The following NSMCE2 variants were observed in gnomAD, a reference collection of about 807,000 sequenced individuals.
The protein encoded by NSMCE2 is NSE2 SUMO ligase component of SMC5/6 complex.
In NSMCE2, 24 loss-of-function variants were observed where a neutral mutation model predicts 23.8. That is an observed-to-expected ratio of 1.01 (90% CI 0.73 to 1.42). The LOEUF is 1.42. Among genes scored for constraint, NSMCE2 ranks in the 40% most tolerant of loss-of-function variants. NSMCE2 has a pLI of 0.00. For synonymous variants in NSMCE2, 92 were observed against 94.1 expected (o/e 0.98, Z 0.13); for missense variants, 284 against 296.5 (o/e 0.96, Z 0.31).
intron 5 of NSMCE2, among the ~76,000 whole-genome samples, chr8:125,238,481 T>C (rs771251090): frequency 2.6e-5 from 4 of 152,190 alleles, no homozygotes; most frequent in Non-Finnish European, 5.9e-5. Flanking sequence ...GGCAAATCCA[T>C]TATAACTCTT....
At chr8:125,235,044 G>C (rs915185775) in intron 5 of NSMCE2, among the ~76,000 whole-genome samples, 1 of 152,022 alleles carries the variant, frequency 6.6e-6, no homozygotes, top group Non-Finnish European at 1.5e-5. Flanking sequence ...CCAGGAGTTC[G>C]AGACCAGCCT....
At chr8:125,235,286 T>C (rs1825497200) in intron 5 of NSMCE2, among the ~76,000 whole-genome samples, 1 of 152,104 alleles carries the variant, frequency 6.6e-6, no homozygotes, top group South Asian at 2.1e-4. Context: ...TCCCAAGAGT[T>C]TATATATTCC....
chr8:125,294,716 CAT>C (rs961784879), intron 5 of NSMCE2, among the ~76,000 whole-genome samples: 4 of 152,072 alleles, frequency 2.6e-5, no homozygotes, highest in African/African-American at 7.2e-5. Context: ...CGTGAAAAAA[CAT>C]AAAGTAAAAT....
At chr8:125,244,031 GT>G (rs11407395) in intron 5 of NSMCE2, among the ~76,000 whole-genome samples, 67 of 149,418 alleles carry the variant, frequency 4.5e-4, no homozygotes, top group African/African-American at 1.5e-3. Context: ...TATTGTAAGA[GT>G]TTTTTTTTTA....
At chr8:125,126,408 C>T (rs1457979397) in intron 3 of NSMCE2, among the ~76,000 whole-genome samples, 1 of 151,626 alleles carries the variant, frequency 6.6e-6, no homozygotes, top group African/African-American at 2.4e-5. Context: ...ATTGTCTTTG[C>T]TCACAAGATG....
chr8:125,143,231 G>T lies in NSMCE2; in HGVS notation c.158-7940G>T, dbSNP rs1208366860. Among the ~76,000 whole-genome samples, 9 of 152,150 alleles carry T rather than the reference G, an allele frequency of 5.9e-5. No individual in the cohort carries two copies. The East Asian group carries it at 1.7e-3, about 29-fold the overall frequency. ...TGTTGCATTTTGGTGGGTGGGGTCA[G>T]AGGTATGCTTGATACTGTGATTTGT... is the stretch of plus-strand genomic sequence containing the variant. On this transcript the variant is annotated intron_variant, in intron 3 of 7. Coordinates refer to ENST00000287437, the MANE Select transcript of NSMCE2 (RefSeq NM_173685.4).
chr8:125,330,858 C>T (rs539306021), intron 5 of NSMCE2, among the ~76,000 whole-genome samples: 8 of 152,146 alleles, frequency 5.3e-5, no homozygotes, highest in Middle Eastern at 3.2e-3. Context: ...GGGGTTTGGA[C>T]TAGGTGACCA....
chr8:125,326,559 AAG>A (rs2131285072), intron 5 of NSMCE2, among the ~76,000 whole-genome samples: 1 of 152,296 alleles, frequency 6.6e-6, no homozygotes, highest in Non-Finnish European at 1.5e-5. Context: ...GATTGTGGAA[AAG>A]AGAGAGAGGA....
intron 3 of NSMCE2, among the ~76,000 whole-genome samples, chr8:125,130,944 G>T (rs900953835): frequency 6.6e-6 from 1 of 152,162 alleles, no homozygotes; most frequent in Non-Finnish European, 1.5e-5. Flanking sequence ...GTGCTTCTGT[G>T]ACAAACAAGT....
chr8:125,195,477 G>A (rs187215957), intron 5 of NSMCE2, among the ~76,000 whole-genome samples: 12 of 152,090 alleles, frequency 7.9e-5, no homozygotes, highest in Non-Finnish European at 1.2e-4. Flanking sequence ...ATACATATAA[G>A]TCACTTAGTA....
chr8:125,326,372 CTT>C (rs775653707), intron 5 of NSMCE2, among the ~76,000 whole-genome samples: 13 of 152,068 alleles, frequency 8.5e-5, no homozygotes, highest in Admixed American at 3.3e-4. Flanking sequence ...TTGCATATCT[CTT>C]TGAGTAAAAA....
At chr8:125,310,623 A>G (rs1175250259) in intron 5 of NSMCE2, among the ~76,000 whole-genome samples, 10 of 152,150 alleles carry the variant, frequency 6.6e-5, no homozygotes, top group Non-Finnish European at 1.0e-4. Context: ...CATACCTGCA[A>G]GTACCTCATC....
chr8:125,244,992 A>C (rs746432532), intron 5 of NSMCE2, among the ~76,000 whole-genome samples: 69 of 152,218 alleles, frequency 4.5e-4, no homozygotes, highest in Middle Eastern at 6.3e-3. Context: ...GATTTTAAAC[A>C]TTGAAATTGG....
At chr8:125,365,269 C>T (rs1245806864) in intron 7 of NSMCE2, among the ~76,000 whole-genome samples, 1 of 152,172 alleles carries the variant, frequency 6.6e-6, no homozygotes, top group Non-Finnish European at 1.5e-5. Flanking sequence ...CTGATCTACC[C>T]AGATGAAGCT....
At chr8:125,255,490 G>A (rs1373343159) in intron 5 of NSMCE2, among the ~76,000 whole-genome samples, 1 of 152,044 alleles carries the variant, frequency 6.6e-6, no homozygotes, top group Non-Finnish European at 1.5e-5. Context: ...CTGAATCTCA[G>A]GTTAACCAGG....
At chr8:125,277,625 G>A (rs1442850758) in intron 5 of NSMCE2, among the ~76,000 whole-genome samples, 3 of 151,850 alleles carry the variant, frequency 2.0e-5, no homozygotes, top group Non-Finnish European at 2.9e-5. Flanking sequence ...TCCTGCCTCA[G>A]CCTCCCGAGT....
intron 3 of NSMCE2, among the ~76,000 whole-genome samples, chr8:125,148,508 C>T (rs901641956): frequency 6.6e-6 from 1 of 152,180 alleles, no homozygotes; most frequent in Admixed American, 6.5e-5. Context: ...CTGATTTAAG[C>T]CCCTTACAGA....
chr8:125,298,838 A>T (rs958667792), intron 5 of NSMCE2, among the ~76,000 whole-genome samples: 1 of 152,064 alleles, frequency 6.6e-6, no homozygotes, highest in Non-Finnish European at 1.5e-5. Context: ...TTTTTAAATT[A>T]ATCCTCTTAA....
intron 3 of NSMCE2, among the ~76,000 whole-genome samples, chr8:125,106,629 G>C (rs1818468743): frequency 6.6e-6 from 1 of 151,602 alleles, no homozygotes; most frequent in Admixed American, 6.6e-5. Context: ...AGGTTGCAGT[G>C]AGCAGAGATC....
Sources: gnomAD v4.1 joint callset for allele counts (sites outside exome capture counted in the v4.1 genomes callset) on GRCh38, gnomAD v4.1.1 for gene constraint, MANE v1.5 for transcripts, NCBI Gene and HGNC (gene_info 2026-07-23, HGNC 2026-07-21) for gene names.